Variants in CACNA1C observed in about 807,000 individuals in gnomAD.
The protein encoded by CACNA1C is voltage-dependent L-type calcium channel subunit alpha-1C.
In CACNA1C, 30 loss-of-function variants were observed where a neutral mutation model predicts 229.0. The ratio of observed to expected loss-of-function variants is 0.13; its 90% CI spans 0.10 to 0.18. The LOEUF (loss-of-function observed/expected upper bound fraction) is 0.18. CACNA1C is among the 10% of genes least tolerant of loss of function. The pLI, the probability that CACNA1C is intolerant of heterozygous loss-of-function variation, is 1.00. For synonymous variants in CACNA1C, 1,114 were observed against 1,132.5 expected (o/e 0.98, Z 0.33); for missense variants, 1,658 against 2,845.0 (o/e 0.58, Z 9.49).
chr12:2,184,460 C>T (rs1322691875), intron 3 of CACNA1C, among the ~76,000 whole-genome samples: 3 of 152,126 alleles, frequency 2.0e-5, no homozygotes, highest in Non-Finnish European at 4.4e-5. Context: ...TTGGAGTCTT[C>T]GGTGAATACG....
At chr12:2,326,785 T>A (rs1460994483) in intron 3 of CACNA1C, among the ~76,000 whole-genome samples, 2 of 152,232 alleles carry the variant, frequency 1.3e-5, no homozygotes, top group African/African-American at 2.4e-5. Flanking sequence ...GATCGATCTC[T>A]CCTCATTTCA....
intron 4 of CACNA1C, among the ~76,000 whole-genome samples, chr12:2,454,185 CT>C (rs1387495700): frequency 6.6e-6 from 1 of 152,200 alleles, no homozygotes; most frequent in Non-Finnish European, 1.5e-5. Context: ...AGGACAAGGG[CT>C]CTTGGTTCGC....
chr12:2,459,628 C>T (rs1316857340), intron 5 of CACNA1C, among the ~76,000 whole-genome samples: 1 of 152,164 alleles, frequency 6.6e-6, no homozygotes, highest in Admixed American at 6.5e-5. Context: ...CCAGGACCCA[C>T]TTCTTTTTGA....
chr12:2,345,554 G>A (rs976124191), intron 3 of CACNA1C, among the ~76,000 whole-genome samples: 2 of 152,184 alleles, frequency 1.3e-5, no homozygotes, highest in African/African-American at 4.8e-5. Context: ...CACAAATGTT[G>A]AAACTGAGGC....
intron 30 of CACNA1C, among the ~76,000 whole-genome samples, chr12:2,638,963 G>T (rs1352696257): frequency 6.6e-6 from 1 of 152,242 alleles, no homozygotes; most frequent in Non-Finnish European, 1.5e-5. Context: ...CACTAGAGAA[G>T]AAGAAGCGAC....
intron 3 of CACNA1C, among the ~76,000 whole-genome samples, chr12:2,176,161 G>A (rs956435110): frequency 6.6e-6 from 1 of 152,140 alleles, no homozygotes. Flanking sequence ...CTTGAATAGG[G>A]TAAGCAGGCT....
chr12:2,105,039 C>T (rs1288712817), intron 1 of CACNA1C, among the ~76,000 whole-genome samples: 1 of 152,198 alleles, frequency 6.6e-6, no homozygotes, highest in South Asian at 2.1e-4. Flanking sequence ...CAGTGTTGGC[C>T]TTGTGGTCAT....
intron 3 of CACNA1C, among the ~76,000 whole-genome samples, chr12:2,374,036 C>G (rs1279365658): frequency 6.6e-6 from 1 of 152,204 alleles, no homozygotes; most frequent in African/African-American, 2.4e-5. Context: ...GGTCAAGGGA[C>G]CTGGCCCACA....
chr12:1,981,921 T>C (rs112898313), intron 1 of CACNA1C, among the ~76,000 whole-genome samples: 4,138 of 152,200 alleles, frequency 0.027, 92 homozygotes, highest in Middle Eastern at 0.048. Flanking sequence ...GGAAAGTGTA[T>C]ATGTAGTTGT....
At chr12:1,992,733 A>T (rs530206660) in intron 1 of CACNA1C, 87 of 173,088 alleles carry the variant, frequency 5.0e-4, no homozygotes, top group Non-Finnish European at 8.3e-4. Context: ...CGACTTCCAC[A>T]TTACAAAGGG....
chr12:2,357,970 C>CAAA lies in CACNA1C; in HGVS notation c.478-90987_478-90985dup, dbSNP rs34774514. 5.6e-5 allele frequency among the ~76,000 whole-genome samples: 6 copies of CAAA among 106,310 alleles called. No homozygotes were observed. In the South Asian group the frequency reaches 9.1e-4, roughly 16 times the overall value. The allele number at this position is 106,310 out of a possible 152,430, so 69.7% of individuals were successfully genotyped here. ...GGGCAACAAGAGTGAAACTCAGTCT[C>CAAA]AAAAAAAAAAAAAAAAAAAAATCGC... On this transcript the variant is annotated intron_variant, in intron 3 of 46. Coordinates refer to ENST00000399655, the MANE Select transcript of CACNA1C (RefSeq NM_000719.7).
chr12:2,032,729 A>C (rs373744333), intron 1 of CACNA1C, among the ~76,000 whole-genome samples: 35 of 152,314 alleles, frequency 2.3e-4, no homozygotes, highest in African/African-American at 7.0e-4. Context: ...CAGCAGCTGG[A>C]GCTAACAACT....
At chr12:2,674,852 C>G (rs2096724700) in intron 39 of CACNA1C, among the ~76,000 whole-genome samples, 1 of 152,188 alleles carries the variant, frequency 6.6e-6, no homozygotes, top group Non-Finnish European at 1.5e-5. Flanking sequence ...GGTGCAACGC[C>G]CTGCACAAAC....
intron 2 of CACNA1C, among the ~76,000 whole-genome samples, chr12:2,115,881 C>T (rs1193243996): frequency 1.3e-5 from 2 of 152,252 alleles, no homozygotes; most frequent in Non-Finnish European, 2.9e-5. Flanking sequence ...TGTAGCTGAG[C>T]TTGCCCAGGG....
At chr12:2,325,289 A>T (rs979890751) in intron 3 of CACNA1C, among the ~76,000 whole-genome samples, 1 of 152,208 alleles carries the variant, frequency 6.6e-6, no homozygotes, top group African/African-American at 2.4e-5. Flanking sequence ...CACATTGGAA[A>T]ATTATCCAAG....
chr12:2,682,137 CT>C, intron 42 of CACNA1C: 1 of 796,914 alleles, frequency 1.3e-6, no homozygotes, highest in Admixed American at 2.3e-5. Flanking sequence ...CCAAGGACTT[CT>C]CAGCTATGCC....
chr12:2,392,262 A>C (rs1482645204), intron 3 of CACNA1C, among the ~76,000 whole-genome samples: 1 of 152,256 alleles, frequency 6.6e-6, no homozygotes, highest in East Asian at 1.9e-4. Flanking sequence ...CCATCTATTT[A>C]GTCTTTCCAC....
intron 5 of CACNA1C, among the ~76,000 whole-genome samples, chr12:2,482,125 C>T (rs1018726685): frequency 6.6e-6 from 1 of 152,242 alleles, no homozygotes; most frequent in African/African-American, 2.4e-5. Context: ...GGATGTCTGG[C>T]CGCACGCCTT....
intron 6 of CACNA1C, among the ~76,000 whole-genome samples, chr12:2,490,900 C>T (rs1427967962): frequency 2.0e-5 from 3 of 152,160 alleles, no homozygotes; most frequent in Non-Finnish European, 4.4e-5. Context: ...GATCAACGAA[C>T]ACAGGACTCA....
Sources: gnomAD v4.1 joint callset for allele counts (sites outside exome capture counted in the v4.1 genomes callset) on GRCh38, gnomAD v4.1.1 for gene constraint, MANE v1.5 for transcripts, NCBI Gene and HGNC (gene_info 2026-07-23, HGNC 2026-07-21) for gene names.